CADM2: variants seen among roughly 807,000 people sequenced by gnomAD.
CADM2 encodes immunoglobulin superfamily member 4D.
A neutral mutation model predicts 49.8 loss-of-function variants in CADM2; 12 were observed. The observed-to-expected ratio is 0.24, with a 90% CI of 0.15 to 0.39. CADM2 has a LOEUF of 0.39. CADM2 is among the 10% of genes least tolerant of loss of function. The pLI is 1.00. For synonymous variants in CADM2, 214 were observed against 175.4 expected, an observed-to-expected ratio of 1.22 and a Z score of -1.74; for missense variants, 378 against 492.3, an observed-to-expected ratio of 0.77 and a Z score of 2.20.
At chr3:85,553,061 A>G (rs867498863) in intron 1 of CADM2, among the ~76,000 whole-genome samples, 1 of 152,158 alleles carries the variant, frequency 6.6e-6, no homozygotes, top group Non-Finnish European at 1.5e-5. Flanking sequence ...AATTTAATTT[A>G]TTATGTTCTT....
At chr3:85,748,120 G>T (rs1193853325) in intron 2 of CADM2, among the ~76,000 whole-genome samples, 1 of 151,916 alleles carries the variant, frequency 6.6e-6, no homozygotes, top group Non-Finnish European at 1.5e-5. Context: ...TTTTCCCCCT[G>T]TTGAACCATA....
At chr3:85,484,156 G>A (rs1291565277) in intron 1 of CADM2, among the ~76,000 whole-genome samples, 1 of 151,730 alleles carries the variant, frequency 6.6e-6, no homozygotes, top group Non-Finnish European at 1.5e-5. Flanking sequence ...AAGGTCCCAG[G>A]CTACAAACTT....
intron 8 of CADM2, among the ~76,000 whole-genome samples, chr3:85,987,921 G>A (rs952057884): frequency 6.6e-6 from 1 of 151,846 alleles, no homozygotes; most frequent in Non-Finnish European, 1.5e-5. Context: ...AAATTTACAA[G>A]CTGTGCCTTT....
Position 85,340,551 on chromosome 3 carries a change from A to G in CADM2, c.61+380883A>G, listed in dbSNP as rs574240436. ...ATGTATATATTGAAAACATGTTTCTATTAATTAGTGCGTAGGTGTTTGCTA... is the reference window on the plus strand; with the variant it reads ...ATGTATATATTGAAAACATGTTTCTGTTAATTAGTGCGTAGGTGTTTGCTA... On this transcript the variant is annotated intron_variant, in intron 1 of 9. Transcript: ENST00000383699. 5.4e-4 allele frequency among the ~76,000 whole-genome samples: 82 copies of G among 151,686 alleles called. 1 individual carries two copies. Among genetic ancestry groups the G allele is most frequent in the Non-Finnish European group, 9.5e-4 (64 of 67,606 alleles).
chr3:85,332,355 A>T (rs1339412221), intron 1 of CADM2, among the ~76,000 whole-genome samples: 1 of 152,012 alleles, frequency 6.6e-6, no homozygotes, highest in African/African-American at 2.4e-5. Context: ...ATCCCAATTT[A>T]AAAATATAAT....
intron 8 of CADM2, among the ~76,000 whole-genome samples, chr3:86,038,181 A>T (rs1023635125): frequency 1.3e-5 from 2 of 152,204 alleles, no homozygotes; most frequent in East Asian, 3.8e-4. Flanking sequence ...TTTAGAAAAA[A>T]CAACAACAAA....
intron 2 of CADM2, among the ~76,000 whole-genome samples, chr3:85,768,330 C>G (rs2069774826): frequency 6.6e-6 from 1 of 151,748 alleles, no homozygotes; most frequent in African/African-American, 2.4e-5. Context: ...CCTGCAGTCC[C>G]AGCTACTTGG....
At chr3:85,862,675 A>G (rs1028508104) in intron 3 of CADM2, among the ~76,000 whole-genome samples, 4 of 152,190 alleles carry the variant, frequency 2.6e-5, no homozygotes, top group African/African-American at 9.7e-5. Flanking sequence ...CATATGAGCC[A>G]AACTACTCTT....
At chr3:85,723,398 A>G (rs919805919) in intron 1 of CADM2, among the ~76,000 whole-genome samples, 9 of 152,140 alleles carry the variant, frequency 5.9e-5, no homozygotes, top group Non-Finnish European at 1.2e-4. Flanking sequence ...GCACTTTACA[A>G]TTGACTTCTA....
chr3:85,472,323 A>G (rs1325520624), intron 1 of CADM2, among the ~76,000 whole-genome samples: 1 of 151,960 alleles, frequency 6.6e-6, no homozygotes, highest in Non-Finnish European at 1.5e-5. Context: ...ATTTTTGCCA[A>G]ACTTTTAAAA....
intron 1 of CADM2, among the ~76,000 whole-genome samples, chr3:85,396,166 G>T (rs958379885): frequency 6.6e-6 from 1 of 151,632 alleles, no homozygotes. Flanking sequence ...TGTAATTGGA[G>T]ATTTTAAATA....
intron 7 of CADM2, among the ~76,000 whole-genome samples, chr3:85,950,221 T>A (rs1004148084): frequency 6.6e-6 from 1 of 151,272 alleles, no homozygotes; most frequent in Non-Finnish European, 1.5e-5. Context: ...GATATTTTGA[T>A]CTTTTAACTG....
At chr3:85,159,237 A>G (rs766232404) in intron 1 of CADM2, among the ~76,000 whole-genome samples, 1 of 152,230 alleles carries the variant, frequency 6.6e-6, no homozygotes, top group African/African-American at 2.4e-5. Context: ...TGTTATGCCC[A>G]CTGAGCAGTA....
chr3:86,002,366 G>A (rs1348701150), intron 8 of CADM2, among the ~76,000 whole-genome samples: 1 of 152,034 alleles, frequency 6.6e-6, no homozygotes, highest in Non-Finnish European at 1.5e-5. Flanking sequence ...ATGCCATTTT[G>A]ACAGTGCCAT....
rs141518660 is a variant in CADM2 at position 85,410,059 on chromosome 3, C to A, written c.62-316463C>A. 2.0e-3 allele frequency among the ~76,000 whole-genome samples: 304 copies of A among 152,210 alleles called. 1 individual carries two copies. Among genetic ancestry groups the A allele is most frequent in the African/African-American group, 6.9e-3 (288 of 41,558 alleles). On this transcript the variant is annotated intron_variant, in intron 1 of 9. Transcript: ENST00000383699. ...TCTCTTTGCATCCTCCCTGGTTAAT[C>A]ATTAGTTCTTGATACATAAAGGAAG... is the stretch of plus-strand genomic sequence containing the variant.
chr3:85,686,516 A>G (rs2066220838), intron 1 of CADM2, among the ~76,000 whole-genome samples: 1 of 152,232 alleles, frequency 6.6e-6, no homozygotes, highest in African/African-American at 2.4e-5. Context: ...ATATTAGAGG[A>G]TTAGCAGTCT....
intron 8 of CADM2, among the ~76,000 whole-genome samples, chr3:85,989,418 G>A (rs971808738): frequency 1.3e-5 from 2 of 152,088 alleles, no homozygotes; most frequent in Non-Finnish European, 2.9e-5. Context: ...TCAAGAAAAC[G>A]AGGACACTGG....
intron 1 of CADM2, among the ~76,000 whole-genome samples, chr3:85,576,539 C>G (rs1477794806): frequency 1.3e-5 from 2 of 152,148 alleles, no homozygotes; most frequent in Non-Finnish European, 2.9e-5. Flanking sequence ...CATATGGAGG[C>G]ACAAACATAC....
At chr3:85,367,357 G>C (rs1338952813) in intron 1 of CADM2, among the ~76,000 whole-genome samples, 1 of 151,778 alleles carries the variant, frequency 6.6e-6, no homozygotes, top group Non-Finnish European at 1.5e-5. Context: ...CCAGCCTCCT[G>C]GGCTACAGAA....
Sources: allele counts gnomAD v4.1 joint callset (sites outside exome capture counted in the v4.1 genomes callset), GRCh38; gene constraint gnomAD v4.1.1; transcripts MANE v1.5; gene names NCBI Gene and HGNC (gene_info 2026-07-23, HGNC 2026-07-21).